The following TLN2 variants were observed in gnomAD, a reference collection of about 807,000 sequenced individuals.
TLN2 encodes talin-2.
TLN2 carries 118 observed loss-of-function variants against 294.7 expected under a neutral mutation model. The ratio of observed to expected loss-of-function variants is 0.40; its 90% CI spans 0.34 to 0.47. TLN2 has a LOEUF of 0.47. Among genes scored for constraint, TLN2 ranks in the 20% least tolerant of loss-of-function variants. The probability of loss-of-function intolerance (pLI) is 0.84; values close to 1 mark genes in which losing one functional copy is unlikely to be tolerated. For synonymous variants in TLN2, 1,431 were observed against 1,304.5 expected, an observed-to-expected ratio of 1.10 and a Z score of -2.09; for missense variants, 3,083 against 3,282.2, an observed-to-expected ratio of 0.94 and a Z score of 1.48.
chr15:62,745,602 A>G, intron 32 of TLN2, among the ~76,000 whole-genome samples: 1 of 152,126 alleles, frequency 6.6e-6, no homozygotes, highest in South Asian at 2.1e-4. Flanking sequence ...ATTTTCCTTA[A>G]TCACGTAACA....
At chr15:62,578,703 G>A (rs2044651656) in intron 1 of TLN2, among the ~76,000 whole-genome samples, 1 of 152,206 alleles carries the variant, frequency 6.6e-6, no homozygotes, top group African/African-American at 2.4e-5. Flanking sequence ...GGCCGCATGT[G>A]GGGAGGGGGG....
At chr15:62,631,672 T>C (rs1290946080) in intron 3 of TLN2, among the ~76,000 whole-genome samples, 1 of 150,534 alleles carries the variant, frequency 6.6e-6, no homozygotes, top group Non-Finnish European at 1.5e-5. Context: ...TCTTTCTCTT[T>C]CCTCCTCTCT....
At chr15:62,491,048 G>A (rs964276151) in intron 1 of TLN2, among the ~76,000 whole-genome samples, 7 of 152,100 alleles carry the variant, frequency 4.6e-5, no homozygotes, top group African/African-American at 1.4e-4. Context: ...ATGGTCAGGC[G>A]TGGTGGCTCA....
intron 1 of TLN2, among the ~76,000 whole-genome samples, chr15:62,410,099 G>A (rs2033679572): frequency 1.3e-5 from 2 of 152,080 alleles, no homozygotes; most frequent in African/African-American, 4.8e-5. Flanking sequence ...AAAATTAGCC[G>A]GGCGTGGTGG....
chr15:62,581,087 T>C (rs1211251474), intron 1 of TLN2, among the ~76,000 whole-genome samples: 1 of 152,096 alleles, frequency 6.6e-6, no homozygotes, highest in Non-Finnish European at 1.5e-5. Context: ...TTTCACCATG[T>C]TGGCCCGGAT....
intron 1 of TLN2, among the ~76,000 whole-genome samples, chr15:62,559,956 T>C (rs940306884): frequency 6.6e-6 from 1 of 152,152 alleles, no homozygotes; most frequent in African/African-American, 2.4e-5. Context: ...TTCCACCAAA[T>C]AGAATGGCTC....
intron 15 of TLN2, among the ~76,000 whole-genome samples, chr15:62,698,346 C>A (rs1405387329): frequency 6.6e-6 from 1 of 152,210 alleles, no homozygotes; most frequent in Admixed American, 6.5e-5. Flanking sequence ...TGAAAAAGTA[C>A]ATTGACCGTA....
intron 1 of TLN2, among the ~76,000 whole-genome samples, chr15:62,447,809 C>T (rs1051792668): frequency 4.6e-5 from 7 of 152,164 alleles, no homozygotes; most frequent in African/African-American, 1.7e-4. Flanking sequence ...TCCATATCCC[C>T]AGAGGCTATG....
chr15:62,472,325 C>T (rs1051111899), intron 1 of TLN2, among the ~76,000 whole-genome samples: 11 of 152,208 alleles, frequency 7.2e-5, no homozygotes, highest in Non-Finnish European at 4.4e-5. Flanking sequence ...TCATCTTTGT[C>T]CCATGGGGAG....
At chr15:62,675,398 C>T in intron 11 of TLN2, 77 bp downstream of exon 11, 1 of 1,435,444 alleles carries the variant, frequency 7.0e-7, no homozygotes, top group East Asian at 2.3e-5. Context: ...GCTGTTAAGC[C>T]TGGTTTGTCC....
At chr15:62,482,999 T>C (rs1246809095) in intron 1 of TLN2, among the ~76,000 whole-genome samples, 1 of 152,176 alleles carries the variant, frequency 6.6e-6, no homozygotes, top group Non-Finnish European at 1.5e-5. Flanking sequence ...CAAAGATGGG[T>C]GTCAGTGAGA....
intron 1 of TLN2, among the ~76,000 whole-genome samples, chr15:62,577,758 T>G (rs1303211735): frequency 1.3e-5 from 2 of 152,200 alleles, no homozygotes; most frequent in Non-Finnish European, 2.9e-5. Context: ...ATTTGTTACA[T>G]AGGTATACAT....
intron 30 of TLN2, 114 bp downstream of exon 30, chr15:62,738,447 T>A (rs2061146463): frequency 7.8e-7 from 1 of 1,281,116 alleles, no homozygotes; most frequent in Non-Finnish European, 1.0e-6. Flanking sequence ...CCTTTAGGAG[T>A]CCTGTTTTTC....
At chr15:62,825,778 TATATTA>T (rs1223573689) in intron 54 of TLN2, among the ~76,000 whole-genome samples, 3 of 18,710 alleles carry the variant, frequency 1.6e-4, no homozygotes, top group Admixed American at 8.5e-4. Flanking sequence ...TATTATATAA[TATATTA>T]TATATTATAA....
At chr15:62,825,838 T>TATTATATATTATA (rs2068109964) in intron 54 of TLN2, among the ~76,000 whole-genome samples, 1 of 91,838 alleles carries the variant, frequency 1.1e-5, no homozygotes, top group African/African-American at 5.4e-5. Context: ...TAATATATAA[T>TATTATATATTATA]ATATATAAAT....
At chr15:62,783,125 T>G (rs577804449) in intron 44 of TLN2, among the ~76,000 whole-genome samples, 3 of 152,340 alleles carry the variant, frequency 2.0e-5, no homozygotes, top group African/African-American at 7.2e-5. Context: ...TACACACTAC[T>G]CTTAACTAAA....
At chr15:62,777,517 C>CAA (rs2063803651) in intron 43 of TLN2, among the ~76,000 whole-genome samples, 1 of 135,326 alleles carries the variant, frequency 7.4e-6, no homozygotes, top group Non-Finnish European at 1.6e-5. Context: ...GCCTGGGCAA[C>CAA]GAGCGAAACT....
At chr15:62,702,698 C>T (rs1277649570) in intron 18 of TLN2, 68 bp from the exon 19 acceptor site, 2 of 1,481,612 alleles carry the variant, frequency 1.3e-6, no homozygotes, top group Non-Finnish European at 1.9e-6. Context: ...ACTTCCTGTA[C>T]TTCCATGTCT....
intron 45 of TLN2, among the ~76,000 whole-genome samples, chr15:62,791,377 A>T (rs2141115047): frequency 6.6e-6 from 1 of 152,274 alleles, no homozygotes; most frequent in East Asian, 1.9e-4. Flanking sequence ...AAGTGTGTAG[A>T]AGACACCTAA....
Sources: allele counts gnomAD v4.1 joint callset (sites outside exome capture counted in the v4.1 genomes callset), GRCh38; gene constraint gnomAD v4.1.1; transcripts MANE v1.5; gene names NCBI Gene and HGNC (gene_info 2026-07-23, HGNC 2026-07-21).